The following SLC4A7 variants were observed in gnomAD, a reference collection of about 807,000 sequenced individuals.
The protein encoded by SLC4A7 is sodium bicarbonate cotransporter 3.
A neutral mutation model predicts 137.6 loss-of-function variants in SLC4A7; 51 were observed. The observed-to-expected ratio is 0.37, with a 90% CI of 0.30 to 0.47. The LOEUF (loss-of-function observed/expected upper bound fraction) is 0.47, where lower values mean the gene tolerates loss of function less well. Ranked by LOEUF, SLC4A7 falls within the 20% of genes least tolerant of loss-of-function variation. SLC4A7 has a pLI of 1.00. For synonymous variants in SLC4A7, 542 were observed against 518.6 expected (o/e 1.05, Z -0.61); for missense variants, 1,247 against 1,525.4 (o/e 0.82, Z 3.04).
chr3:27,383,252 T>C lies in SLC4A7; in HGVS notation c.3493-2A>G. 1 of 1,584,842 alleles carries C rather than the reference T, an allele frequency of 6.3e-7. No individual in the cohort carries two copies. The highest frequency in any genetic ancestry group is 8.7e-7 in the Non-Finnish European group (1 of 1,154,660). On this transcript the variant is annotated splice_acceptor_variant, in intron 23 of 25. Coordinates refer to ENST00000454389, the MANE Select transcript of SLC4A7 (RefSeq NM_001321103.2). LOFTEE classifies it high-confidence loss of function. ...ATCTTGAAGCATCCGTTCAGCTTCCTTTATAACACATGTGTGAAGAGGTTA... is the reference window on the plus strand; with the variant it reads ...ATCTTGAAGCATCCGTTCAGCTTCCCTTATAACACATGTGTGAAGAGGTTA...
chr3:27,460,546 A>T (rs1218554255), intron 1 of SLC4A7, among the ~76,000 whole-genome samples: 3 of 152,222 alleles, frequency 2.0e-5, no homozygotes, highest in African/African-American at 7.2e-5. Flanking sequence ...CCTACTGCTC[A>T]CAAGAGACTA....
intron 6 of SLC4A7, chr3:27,433,148 A>C (rs2056458137): frequency 6.6e-6 from 1 of 152,178 alleles, no homozygotes. Context: ...ATGAGCAGGC[A>C]CTGTGCCCCA....
intron 18 of SLC4A7, among the ~76,000 whole-genome samples, chr3:27,397,033 A>AC: frequency 6.6e-6 from 1 of 151,442 alleles, no homozygotes; most frequent in Middle Eastern, 3.4e-3. Context: ...ATTTTAGGTT[A>AC]CTTTTTTTTT....
rs534098145 is a variant in SLC4A7, at chr3:27,435,714, C to T, written c.589+674G>A. Among the ~76,000 whole-genome samples, 20 of 152,274 alleles carry T rather than the reference C, an allele frequency of 1.3e-4. No homozygotes were observed. The East Asian group carries it at 3.1e-3, about 24-fold the overall frequency. ...AATTAGCCAGGCGTGGTGGTGTATA[C>T]ACCTGTGGTCCCAGCTACTCAGTAG... On this transcript the variant is annotated intron_variant, in intron 5 of 25. Transcript: ENST00000454389.
chr3:27,475,698 T>G (rs1291830305), intron 1 of SLC4A7, among the ~76,000 whole-genome samples: 1 of 152,146 alleles, frequency 6.6e-6, no homozygotes, highest in Admixed American at 6.6e-5. Context: ...CAAAATCTTA[T>G]CCCGAGGATA....
At chr3:27,460,749 T>G (rs556117204) in intron 1 of SLC4A7, among the ~76,000 whole-genome samples, 1 of 152,318 alleles carries the variant, frequency 6.6e-6, no homozygotes, top group Admixed American at 6.5e-5. Flanking sequence ...ATCATTTTAC[T>G]CGATACGTAT....
intron 7 of SLC4A7, among the ~76,000 whole-genome samples, chr3:27,424,654 C>T (rs1033550885): frequency 2.6e-5 from 4 of 152,132 alleles, no homozygotes; most frequent in African/African-American, 9.7e-5. Flanking sequence ...CAGAAGTTTC[C>T]TAAAGACTTT....
At chr3:27,446,857 TTAGTA>T (rs2057674034) in intron 3 of SLC4A7, among the ~76,000 whole-genome samples, 2 of 149,590 alleles carry the variant, frequency 1.3e-5, no homozygotes, top group African/African-American at 2.4e-5. Flanking sequence ...TCAGTATCTC[TTAGTA>T]GAGTTTTTTT....
intron 16 of SLC4A7, among the ~76,000 whole-genome samples, chr3:27,400,297 T>A (rs907394490): frequency 7.2e-5 from 11 of 152,236 alleles, no homozygotes; most frequent in African/African-American, 2.7e-4. Flanking sequence ...CTAGTCTTGA[T>A]GAGTTAGACA....
At chr3:27,454,773 T>C (rs1241893623) in intron 1 of SLC4A7, among the ~76,000 whole-genome samples, 1 of 152,154 alleles carries the variant, frequency 6.6e-6, no homozygotes, top group Admixed American at 6.5e-5. Context: ...CTAAAAGGGA[T>C]TAACTGCTCC....
At chr3:27,455,016 A>G (rs1049096392) in intron 1 of SLC4A7, among the ~76,000 whole-genome samples, 12 of 150,314 alleles carry the variant, frequency 8.0e-5, no homozygotes, top group Non-Finnish European at 1.3e-4. Flanking sequence ...ATGTTAAAAA[A>G]AAAAAAAGAG....
intron 1 of SLC4A7, among the ~76,000 whole-genome samples, chr3:27,473,198 C>A (rs2059325929): frequency 6.6e-6 from 1 of 152,060 alleles, no homozygotes; most frequent in Admixed American, 6.6e-5. Context: ...ACTTAGGTGG[C>A]TGAGGCCAGA....
At chr3:27,399,136 AAT>A (rs2052499766) in intron 16 of SLC4A7, among the ~76,000 whole-genome samples, 1 of 152,196 alleles carries the variant, frequency 6.6e-6, no homozygotes, top group Non-Finnish European at 1.5e-5. Context: ...CCCAAAGAAA[AAT>A]AGTTAAATGT....
At chr3:27,420,243 G>A (rs556257663) in intron 10 of SLC4A7, among the ~76,000 whole-genome samples, 1 of 152,016 alleles carries the variant, frequency 6.6e-6, no homozygotes, top group South Asian at 2.1e-4. Context: ...AATACCCTTG[G>A]GACACACAGC....
intron 1 of SLC4A7, among the ~76,000 whole-genome samples, chr3:27,478,423 C>T (rs1576690791): frequency 6.8e-6 from 1 of 148,128 alleles, no homozygotes; most frequent in Non-Finnish European, 1.5e-5. Flanking sequence ...GAGGCTGAGG[C>T]AGGAGAATCG....
chr3:27,479,393 A>G (rs1266527661), intron 1 of SLC4A7, among the ~76,000 whole-genome samples: 3 of 151,300 alleles, frequency 2.0e-5, no homozygotes, highest in Non-Finnish European at 2.9e-5. Flanking sequence ...CAGCCTGGGC[A>G]ACCCTGAGGA....
intron 7 of SLC4A7, chr3:27,424,631 A>C (rs1009292599): frequency 6.6e-6 from 1 of 152,366 alleles, no homozygotes; most frequent in African/African-American, 2.4e-5. Context: ...GAATTAACAT[A>C]ATCTCCCATA....
chr3:27,411,832 T>G (rs1231491025), intron 11 of SLC4A7, 84 bp from the exon 12 acceptor site: 1 of 535,406 alleles, frequency 1.9e-6, no homozygotes, highest in African/African-American at 2.0e-5. Context: ...GAATATCAGA[T>G]TTTATATTGA....
intron 5 of SLC4A7, 56 bp downstream of exon 5, chr3:27,436,332 A>T: frequency 7.7e-7 from 1 of 1,306,516 alleles, no homozygotes; most frequent in Non-Finnish European, 1.1e-6. Context: ...TTGTTAAATG[A>T]ATGTCTAAAA....
Sources: gnomAD v4.1 joint callset for allele counts (sites outside exome capture counted in the v4.1 genomes callset) on GRCh38, gnomAD v4.1.1 for gene constraint, MANE v1.5 for transcripts, NCBI Gene and HGNC (gene_info 2026-07-23, HGNC 2026-07-21) for gene names.